Variants in SORCS1 observed in about 807,000 individuals in gnomAD.
SORCS1 encodes sortilin related VPS10 domain containing receptor 1, also known as VPS10 domain-containing receptor SorCS1.
SORCS1 carries 60 observed loss-of-function variants against 146.1 expected under a neutral mutation model. The ratio of observed to expected loss-of-function variants is 0.41; its 90% CI spans 0.33 to 0.51. The LOEUF is 0.51. Ranked by LOEUF, SORCS1 falls within the 20% of genes least tolerant of loss-of-function variation. The pLI is 0.21. For synonymous variants in SORCS1, 637 were observed against 584.0 expected (o/e 1.09, Z -1.31); for missense variants, 1,352 against 1,487.6 (o/e 0.91, Z 1.50).
rs536874349 is a variant in SORCS1, at chr10:106,824,277, G to C, written c.726+5297C>G. On this transcript the variant is annotated intron_variant, in intron 3 of 25. Transcript: ENST00000263054. ...CCACTGTACTCCAGCCTAGGCAACAGAGCAAGACTCTATCTCAAAAAAAAA... is the reference window on the plus strand; with the variant it reads ...CCACTGTACTCCAGCCTAGGCAACACAGCAAGACTCTATCTCAAAAAAAAA... 1.9e-4 allele frequency among the ~76,000 whole-genome samples: 27 copies of C among 141,320 alleles called. 1 individual carries two copies. The East Asian group carries it at 5.1e-3, about 27-fold the overall frequency. The allele number at this position is 141,320 out of a possible 152,430, so 92.7% of individuals were successfully genotyped here.
At chr10:106,870,359 A>C (rs572562532) in intron 2 of SORCS1, among the ~76,000 whole-genome samples, 2 of 152,228 alleles carry the variant, frequency 1.3e-5, no homozygotes, top group African/African-American at 2.4e-5. Context: ...ATGGAATCAA[A>C]AAAGGGGCTC....
rs140841791 is a variant in SORCS1 at position 107,150,181 on chromosome 10, C to T, written c.558+13788G>A. On this transcript the variant is annotated intron_variant, in intron 1 of 25. Transcript: ENST00000263054. ...ATCTTATTCATCTTTGTATTCCCAG[C>T]GCTCAGCACAGTGCTGACACAACAG... 2.4e-3 allele frequency among the ~76,000 whole-genome samples: 359 copies of T among 152,314 alleles called. 3 individuals are homozygous for T. Among genetic ancestry groups the T allele is most frequent in the East Asian group, 8.7e-3 (45 of 5,184 alleles).
At chr10:106,605,151 G>C (rs1353345503) in intron 23 of SORCS1, among the ~76,000 whole-genome samples, 2 of 152,216 alleles carry the variant, frequency 1.3e-5, no homozygotes, top group Non-Finnish European at 2.9e-5. Flanking sequence ...GTTCACCAAT[G>C]ACTGATACAG....
intron 10 of SORCS1, among the ~76,000 whole-genome samples, chr10:106,687,613 C>T (rs1487550826): frequency 3.3e-5 from 5 of 152,116 alleles, no homozygotes; most frequent in Admixed American, 3.3e-4. Context: ...AAGTGGTGGG[C>T]CATATTTTTC....
intron 1 of SORCS1, among the ~76,000 whole-genome samples, chr10:107,137,498 T>C (rs1369625368): frequency 6.6e-6 from 1 of 152,176 alleles, no homozygotes; most frequent in Non-Finnish European, 1.5e-5. Context: ...AGTTCTGCAA[T>C]AGTGTCAGTT....
At chr10:107,088,717 GT>G (rs1963953749) in intron 1 of SORCS1, among the ~76,000 whole-genome samples, 1 of 152,182 alleles carries the variant, frequency 6.6e-6, no homozygotes, top group African/African-American at 2.4e-5. Flanking sequence ...GTTAGCATGT[GT>G]CTCCTACTCA....
At chr10:107,118,126 G>A (rs1966156134) in intron 1 of SORCS1, among the ~76,000 whole-genome samples, 1 of 152,080 alleles carries the variant, frequency 6.6e-6, no homozygotes, top group Non-Finnish European at 1.5e-5. Context: ...GGTCATGAGG[G>A]CAGGACTCTC....
chr10:106,917,128 T>C (rs1321587626), intron 2 of SORCS1, among the ~76,000 whole-genome samples: 3 of 152,208 alleles, frequency 2.0e-5, no homozygotes, highest in African/African-American at 7.2e-5. Flanking sequence ...TGGAGAGGTG[T>C]TCCCAGACCA....
chr10:106,701,137 G>A (rs896870385), intron 8 of SORCS1, among the ~76,000 whole-genome samples: 2 of 152,036 alleles, frequency 1.3e-5, no homozygotes, highest in African/African-American at 4.8e-5. Flanking sequence ...ACAATGTAAA[G>A]GCTATGTAAA....
At chr10:106,850,070 T>A (rs11193077) in intron 2 of SORCS1, among the ~76,000 whole-genome samples, 1 of 151,584 alleles carries the variant, frequency 6.6e-6, no homozygotes, top group Non-Finnish European at 1.5e-5. Flanking sequence ...AGAGGTGGAG[T>A]GTACAGAGGC....
At chr10:106,966,490 G>T (rs926520499) in intron 1 of SORCS1, among the ~76,000 whole-genome samples, 8 of 152,112 alleles carry the variant, frequency 5.3e-5, no homozygotes, top group Admixed American at 2.6e-4. Flanking sequence ...ATAATTTAAT[G>T]TCATGTTTAT....
chr10:107,002,259 C>A (rs566703461), intron 1 of SORCS1, among the ~76,000 whole-genome samples: 2 of 152,216 alleles, frequency 1.3e-5, no homozygotes, highest in Non-Finnish European at 2.9e-5. Context: ...ATTTTTCATG[C>A]TTCTCATTAA....
rs778504265 is a variant in SORCS1 at position 107,008,115 on chromosome 10, G to T, written c.559-51535C>A. Among the ~76,000 whole-genome samples the T allele has an allele frequency of 1.6e-4, 19 of 117,564 alleles. No individual in the cohort carries two copies. The African/African-American group carries it at 2.0e-3, about 12-fold the overall frequency. The allele number at this position is 117,564 out of a possible 152,430, so 77.1% of individuals were successfully genotyped here. A position where few individuals can be genotyped will look rare whatever the true frequency, so the allele number is the denominator to read the frequency against. On this transcript the variant is annotated intron_variant, in intron 1 of 25. Coordinates refer to ENST00000263054, the MANE Select transcript of SORCS1 (RefSeq NM_052918.5). Reference sequence around the variant, plus strand: ...ATAGCATCAATTAGATTCAAAATGAGAGGGCAGTTTTTTCTATACTAACAT... The same window carrying T: ...ATAGCATCAATTAGATTCAAAATGATAGGGCAGTTTTTTCTATACTAACAT...
intron 2 of SORCS1, among the ~76,000 whole-genome samples, chr10:106,912,674 G>T (rs1348643466): frequency 2.0e-5 from 3 of 151,958 alleles, no homozygotes; most frequent in Non-Finnish European, 2.9e-5. Flanking sequence ...TGCTTTTTTT[G>T]TTTGTTTGTT....
At position 106,825,211 on chromosome 10, in the gene SORCS1, C is replaced by A. The variant is rs147152866; in HGVS notation, c.726+4363G>T. On this transcript the variant is annotated intron_variant, in intron 3 of 25. Transcript: ENST00000263054. The stretch of plus-strand genomic sequence containing the variant: ...GACACACAGAGTATATAGAAGTTTT[C>A]TTTTTAGGCAGAATACACATCAACT... Among the ~76,000 whole-genome samples, 817 of 148,850 alleles carry A rather than the reference C, an allele frequency of 5.5e-3. 22 individuals carry two copies. The highest frequency in any genetic ancestry group is 0.048 in the Admixed American group (715 of 14,932).
At chr10:106,869,417 C>T (rs549159886) in intron 2 of SORCS1, among the ~76,000 whole-genome samples, 18 of 152,136 alleles carry the variant, frequency 1.2e-4, no homozygotes, top group African/African-American at 2.2e-4. Flanking sequence ...CCAATATCTT[C>T]GATGAATATC....
chr10:107,095,422 A>C (rs1964478183), intron 1 of SORCS1, among the ~76,000 whole-genome samples: 1 of 152,166 alleles, frequency 6.6e-6, no homozygotes, highest in African/African-American at 2.4e-5. Context: ...GTAGCCATGA[A>C]ACTCATAGTC....
intron 8 of SORCS1, among the ~76,000 whole-genome samples, chr10:106,701,482 T>G (rs1043404989): frequency 2.0e-5 from 3 of 152,146 alleles, no homozygotes; most frequent in Non-Finnish European, 4.4e-5. Context: ...ACAAAATTAG[T>G]ATCTCACTAT....
At chr10:106,967,963 G>C (rs1955579862) in intron 1 of SORCS1, among the ~76,000 whole-genome samples, 1 of 151,746 alleles carries the variant, frequency 6.6e-6, no homozygotes, top group Non-Finnish European at 1.5e-5. Context: ...CCAGCGCTTT[G>C]GGAGGCCGAG....
Sources: allele counts gnomAD v4.1 joint callset (sites outside exome capture counted in the v4.1 genomes callset), GRCh38; gene constraint gnomAD v4.1.1; transcripts MANE v1.5; gene names NCBI Gene and HGNC (gene_info 2026-07-23, HGNC 2026-07-21).